Variants in MINPP1 observed in about 807,000 individuals in gnomAD.
The protein encoded by MINPP1 is multiple inositol-polyphosphate phosphatase 1, also known as multiple inositol polyphosphate phosphatase 1.
Under a neutral mutation model 46.1 loss-of-function variants are expected in MINPP1, and 28 were observed. The ratio of observed to expected loss-of-function variants is 0.61; its 90% confidence interval spans 0.45 to 0.83. The LOEUF is 0.83. MINPP1 is among the 40% of genes least tolerant of loss of function. The pLI, the probability that MINPP1 is intolerant of heterozygous loss-of-function variation, is 0.00. For synonymous variants in MINPP1, 268 were observed against 249.1 expected, an observed-to-expected ratio of 1.08 and a Z score of -0.72; for missense variants, 603 against 610.0, an observed-to-expected ratio of 0.99 and a Z score of 0.12.
chr10:87,547,171 A>G (rs1216284276), intron 4 of MINPP1, among the ~76,000 whole-genome samples: 2 of 152,086 alleles, frequency 1.3e-5, no homozygotes, highest in Non-Finnish European at 2.9e-5. Flanking sequence ...GAGTGCAGTG[A>G]CGTGATCTTG....
chr10:87,538,153 G>A (rs79383802), intron 4 of MINPP1, among the ~76,000 whole-genome samples: 4,786 of 148,894 alleles, frequency 0.032, 262 homozygotes, highest in African/African-American at 0.11. Context: ...TTTTTTCTCC[G>A]GGATTTGGAT....
intron 4 of MINPP1, among the ~76,000 whole-genome samples, chr10:87,526,139 C>T (rs1167397224): frequency 1.3e-5 from 2 of 152,184 alleles, no homozygotes; most frequent in Non-Finnish European, 2.9e-5. Flanking sequence ...ACACTGTCTT[C>T]CACAATGGTT....
chr10:87,528,624 T>C (rs1175033683), intron 4 of MINPP1, among the ~76,000 whole-genome samples: 2 of 152,196 alleles, frequency 1.3e-5, no homozygotes, highest in African/African-American at 4.8e-5. Flanking sequence ...GTGCTTTACT[T>C]CCAACTATGT....
intron 4 of MINPP1, among the ~76,000 whole-genome samples, chr10:87,527,762 G>T (rs1423739818): frequency 1.3e-5 from 2 of 152,118 alleles, no homozygotes; most frequent in Admixed American, 1.3e-4. Flanking sequence ...CTTTTAACTG[G>T]AATAGTTTCA....
Position 87,505,291 on chromosome 10 carries a change from G to T in MINPP1, c.376G>T (p.Asp126Tyr). The T allele has an allele frequency of 6.2e-7, 1 of 1,611,036 alleles. No homozygotes were observed. Among genetic ancestry groups the T allele is most frequent in the Non-Finnish European group, 8.5e-7 (1 of 1,177,802 alleles). The change falls in exon 1 of 5, where the codon GAC becomes TAC. Residue 126 changes from aspartate to tyrosine, a missense_variant. Asp to Tyr is a radical substitution (Grantham distance 160, BLOSUM62 -3). This residue lies in a region of MINPP1 where 239 missense variants were observed against 189.4 expected (regional missense o/e 1.26). Coordinates refer to ENST00000371996, the MANE Select transcript of MINPP1 (RefSeq NM_004897.5). The surrounding 1 kb of genome is among the most constrained non-coding windows in gnomAD (Gnocchi z 4.4). ...DGGASSTGSR[D>Y]LGAALADWPL... ...CGGGGCTAGTAGTACCGGCAGCCGC[G>T]ACCTGGGTGCAGCGCTGGCCGACTG...
rs1446034745 is a variant in MINPP1, at chr10:87,552,212, C to G, written c.1198C>G (p.His400Asp). The change falls in exon 5 of 5, where the codon CAT (histidine) becomes GAT (aspartate). Residue 400 changes from histidine to aspartate, a missense_variant. Physicochemically the swap from His to Asp is moderately conservative, Grantham distance 81. Around this residue, in one of 3 missense-constraint regions of MINPP1, gnomAD observed 344 missense variants for 381.1 expected, o/e 0.90. Transcript: ENST00000371996. ...LTAYNYKKQM[H>D]RKFRSGLIVP... The stretch of plus-strand genomic sequence containing the variant: ...AGCGTACAATTACAAAAAACAAATG[C>G]ATCGGAAGTTCCGAAGTGGTCTCAT... 3 of 1,613,712 alleles carry G rather than the reference C, an allele frequency of 1.9e-6. No homozygotes were observed. Among genetic ancestry groups the G allele is most frequent in the Non-Finnish European group, 2.5e-6 (3 of 1,179,836 alleles).
intron 4 of MINPP1, among the ~76,000 whole-genome samples, chr10:87,538,108 A>ATTT (rs35833684): frequency 7.0e-6 from 1 of 142,842 alleles, no homozygotes; most frequent in Non-Finnish European, 1.5e-5. Flanking sequence ...AGCTCTGCTA[A>ATTT]TTTTTTTTTT....
At chr10:87,542,514 G>A (rs1851830177) in intron 4 of MINPP1, among the ~76,000 whole-genome samples, 3 of 152,102 alleles carry the variant, frequency 2.0e-5, no homozygotes, top group Admixed American at 2.0e-4. Context: ...TGGCCAGGTT[G>A]GTCTTAACCT....
rs1344867365 is a variant in MINPP1, at chr10:87,552,896, TTCC to T, written c.*421_*423del. 1 of 174,180 alleles carries T rather than the reference TTCC, an allele frequency of 5.7e-6. No homozygotes were observed. Among genetic ancestry groups the T allele is most frequent in the African/African-American group, 2.4e-5 (1 of 41,712 alleles). 10.8% of individuals were successfully genotyped at this position (174,180 alleles called of 1,614,324 possible). A position where few individuals can be genotyped will look rare whatever the true frequency, so the allele number is the denominator to read the frequency against. On this transcript the variant is annotated 3_prime_UTR_variant, in exon 5 of 5. Transcript: ENST00000371996. The stretch of plus-strand genomic sequence containing the variant: ...GATTGTTCTGCAGTTCTCTCTTCTT[TTCC>T]TCAGGTAGGACAGCTCTAGCATTTT...
intron 4 of MINPP1, among the ~76,000 whole-genome samples, chr10:87,526,808 T>C (rs954161192): frequency 1.3e-5 from 2 of 152,236 alleles, no homozygotes; most frequent in African/African-American, 4.8e-5. Context: ...AGGGAATCCT[T>C]TCCCCATTTC....
intron 4 of MINPP1, among the ~76,000 whole-genome samples, chr10:87,545,316 A>T (rs771946257): frequency 4.6e-5 from 7 of 151,728 alleles, no homozygotes; most frequent in East Asian, 1.9e-4. Flanking sequence ...CTTTTTTTTT[A>T]AAAAAGACAT....
intron 4 of MINPP1, among the ~76,000 whole-genome samples, chr10:87,524,834 G>C (rs562750854): frequency 6.6e-6 from 1 of 152,214 alleles, no homozygotes; most frequent in South Asian, 2.1e-4. Context: ...TATGGGTGGG[G>C]TTCATGGCAC....
intron 4 of MINPP1, 65 bp downstream of exon 4, chr10:87,521,234 T>A: frequency 1.5e-6 from 2 of 1,291,280 alleles, no homozygotes; most frequent in Non-Finnish European, 2.2e-6. Flanking sequence ...GAAATTTTTT[T>A]ATAATGAGTA....
At chr10:87,531,459 A>G (rs1851659673) in intron 4 of MINPP1, among the ~76,000 whole-genome samples, 1 of 152,246 alleles carries the variant, frequency 6.6e-6, no homozygotes, top group South Asian at 2.1e-4. Context: ...TGAGAAGCTA[A>G]TGAGGTGAAT....
rs146527231 is a variant in MINPP1, at chr10:87,519,821, T to C, written c.934-1215T>C. Among the ~76,000 whole-genome samples the C allele has an allele frequency of 2.0e-3, 312 of 152,282 alleles. 1 individual carries two copies. Among genetic ancestry groups the C allele is most frequent in the Admixed American group, 7.4e-3 (113 of 15,294 alleles). ...ACATATTTTAGTCCCCTAGTTGTGG[T>C]TTTAGCTACAGGTTTTAGTTCTAGA... On this transcript the variant is annotated intron_variant, in intron 3 of 4. Coordinates refer to ENST00000371996, the MANE Select transcript of MINPP1 (RefSeq NM_004897.5).
rs555534080 is a variant in MINPP1 at position 87,552,643 on chromosome 10, T to G, written c.*165T>G. On this transcript the variant is annotated 3_prime_UTR_variant, in exon 5 of 5. Coordinates refer to ENST00000371996, the MANE Select transcript of MINPP1 (RefSeq NM_004897.5). Reference sequence around the variant, plus strand: ...TCTCTCTGGGTTTGGACATGAAATGTAAGAAAAGATTTTTCACTGGAGCAG... The same window carrying G: ...TCTCTCTGGGTTTGGACATGAAATGGAAGAAAAGATTTTTCACTGGAGCAG... The G allele has an allele frequency of 1.5e-6, 1 of 686,534 alleles. No homozygotes were observed. The highest frequency in any genetic ancestry group is 2.7e-5 in the East Asian group (1 of 36,648). 42.5% of individuals were successfully genotyped at this position (686,534 alleles called of 1,614,324 possible).
At chr10:87,534,044 T>G (rs1004584623) in intron 4 of MINPP1, among the ~76,000 whole-genome samples, 32 of 2,616 alleles carry the variant, frequency 0.012, no homozygotes, top group African/African-American at 0.058. Flanking sequence ...GGCTAAATAT[T>G]TTTTTTTTTT....
chr10:87,514,243 A>G (rs1851378668), intron 3 of MINPP1, among the ~76,000 whole-genome samples: 1 of 152,138 alleles, frequency 6.6e-6, no homozygotes, highest in Non-Finnish European at 1.5e-5. Context: ...CACCATCAGG[A>G]TGCTTCACCC....
At chr10:87,535,443 T>G (rs1401383295) in intron 4 of MINPP1, among the ~76,000 whole-genome samples, 1 of 152,134 alleles carries the variant, frequency 6.6e-6, no homozygotes, top group African/African-American at 2.4e-5. Flanking sequence ...CAGGCAAAAT[T>G]TGGCTAGAGA....
Sources: allele counts gnomAD v4.1 joint callset (sites outside exome capture counted in the v4.1 genomes callset), GRCh38; gene constraint gnomAD v4.1.1; regional missense constraint gnomAD v4.1.1; non-coding constraint Gnocchi (gnomAD v3.1); transcripts MANE v1.5; gene names NCBI Gene and HGNC (gene_info 2026-07-23, HGNC 2026-07-21).